The following TRAF3 variants were observed in gnomAD, a reference collection of about 807,000 sequenced individuals.
The protein encoded by TRAF3 is TNF receptor-associated factor 3.
In TRAF3, 13 loss-of-function variants were observed where a neutral mutation model predicts 62.3. That is an observed-to-expected ratio of 0.21 (90% confidence interval 0.14 to 0.33). The LOEUF (loss-of-function observed/expected upper bound fraction) is 0.33, where lower values mean the gene tolerates loss of function less well. Among genes scored for constraint, TRAF3 ranks in the 10% least tolerant of loss-of-function variants. The probability of loss-of-function intolerance (pLI) is 1.00; values close to 1 mark genes in which losing one functional copy is unlikely to be tolerated. For missense variants in TRAF3, 440 were observed against 741.8 expected (o/e 0.59, Z 4.73); for synonymous variants, 269 against 283.4 (o/e 0.95, Z 0.51).
intron 1 of TRAF3, among the ~76,000 whole-genome samples, chr14:102,803,761 C>T (rs539918738): frequency 2.0e-5 from 3 of 152,192 alleles, no homozygotes; most frequent in African/African-American, 2.4e-5. Flanking sequence ...CGGCTCTGCT[C>T]GCTTACAGAA....
At chr14:102,810,517 T>C (rs1899056811) in intron 1 of TRAF3, 1 of 152,228 alleles carries the variant, frequency 6.6e-6, no homozygotes, top group African/African-American at 2.4e-5. Flanking sequence ...CCTGAACTTA[T>C]AAAGTAGTTC....
chr14:102,803,413 A>C (rs1237722575), intron 1 of TRAF3, among the ~76,000 whole-genome samples: 1 of 152,062 alleles, frequency 6.6e-6, no homozygotes. Flanking sequence ...GGTCTTGGGC[A>C]GTTACCTTCC....
At chr14:102,863,593 T>C (rs996722429) in intron 2 of TRAF3, among the ~76,000 whole-genome samples, 1 of 152,198 alleles carries the variant, frequency 6.6e-6, no homozygotes, top group Non-Finnish European at 1.5e-5. Context: ...TTCCTGAACA[T>C]GTACACAGCC....
At chr14:102,845,995 A>C (rs1489544627) in intron 2 of TRAF3, among the ~76,000 whole-genome samples, 1 of 148,780 alleles carries the variant, frequency 6.7e-6, no homozygotes, top group African/African-American at 2.5e-5. Flanking sequence ...AAAAAAAAAA[A>C]AAAAAAAAAA....
At position 102,792,113 on chromosome 14, in the gene TRAF3, C is replaced by CTTTTTT. The variant is rs35895214; in HGVS notation, c.-157+14460_-157+14465dup. On this transcript the variant is annotated intron_variant, in intron 1 of 11. Transcript: ENST00000392745. ...ACAGGTGCGAGCCACTGTGCCTGGACTTTTTTTTTTTTTTTTTTTTTTTTT... is the reference window on the plus strand; with the variant it reads ...ACAGGTGCGAGCCACTGTGCCTGGACTTTTTTTTTTTTTTTTTTTTTTTTTTTTTTT... Among the ~76,000 whole-genome samples, 13 of 97,694 alleles carry CTTTTTT rather than the reference C, an allele frequency of 1.3e-4. 3 individuals are homozygous for CTTTTTT. The highest frequency in any genetic ancestry group is 3.3e-4 in the Admixed American group (3 of 9,064). 64.1% of individuals were successfully genotyped at this position (97,694 alleles called of 152,430 possible).
At chr14:102,902,138 T>C (rs1034206082) in intron 10 of TRAF3, among the ~76,000 whole-genome samples, 3 of 152,254 alleles carry the variant, frequency 2.0e-5, no homozygotes, top group African/African-American at 4.8e-5. Context: ...GAAAGGGCTT[T>C]CTGAATTAGT....
intron 2 of TRAF3, among the ~76,000 whole-genome samples, chr14:102,862,637 G>A (rs540077642): frequency 1.3e-5 from 2 of 152,166 alleles, no homozygotes; most frequent in African/African-American, 4.8e-5. Context: ...TCCTGGTTAT[G>A]CAGATTAATG....
intron 1 of TRAF3, among the ~76,000 whole-genome samples, chr14:102,799,181 T>C (rs560755483): frequency 9.2e-5 from 14 of 152,082 alleles, no homozygotes; most frequent in Admixed American, 4.6e-4. Context: ...GGGGGGAGAT[T>C]AGTGCTGTGG....
intron 1 of TRAF3, among the ~76,000 whole-genome samples, chr14:102,783,485 T>G (rs960890915): frequency 3.9e-5 from 6 of 152,194 alleles, no homozygotes; most frequent in African/African-American, 1.4e-4. Context: ...TTTGAAACCT[T>G]ATTACAGGGT....
At chr14:102,797,850 G>T (rs182614738) in intron 1 of TRAF3, among the ~76,000 whole-genome samples, 1 of 151,386 alleles carries the variant, frequency 6.6e-6, no homozygotes, top group African/African-American at 2.4e-5. Context: ...CGATTCTCCC[G>T]CCTCAGCTTC....
At chr14:102,891,019 A>G (rs1435829588) in intron 8 of TRAF3, among the ~76,000 whole-genome samples, 2 of 152,220 alleles carry the variant, frequency 1.3e-5, no homozygotes, top group African/African-American at 2.4e-5. Context: ...TCTTGATATT[A>G]CAAGTGTCAA....
rs534409839 is a variant in TRAF3 at position 102,876,788 on chromosome 14, C to G, written c.570+263C>G. ...GCCTTCCGCTCAGCTCACAGATAAT[C>G]CGTTCCACAAGCCTTCCGCTCAATT... is the stretch of plus-strand genomic sequence containing the variant. On this transcript the variant is annotated intron_variant, in intron 6 of 11. Transcript: ENST00000392745. 15 of 481,382 alleles carry G rather than the reference C, an allele frequency of 3.1e-5. 1 individual carries two copies. The highest frequency in any genetic ancestry group is 5.3e-5 in the Non-Finnish European group (14 of 263,056). 29.8% of individuals were successfully genotyped at this position (481,382 alleles called of 1,614,324 possible).
chr14:102,834,268 G>T (rs1885837918), intron 2 of TRAF3, among the ~76,000 whole-genome samples: 1 of 152,078 alleles, frequency 6.6e-6, no homozygotes, highest in Non-Finnish European at 1.5e-5. Flanking sequence ...TGGAACAAAA[G>T]AGAGAGCCCA....
At chr14:102,850,425 G>C (rs1286734464) in intron 2 of TRAF3, among the ~76,000 whole-genome samples, 3 of 152,130 alleles carry the variant, frequency 2.0e-5, no homozygotes, top group Non-Finnish European at 4.4e-5. Flanking sequence ...GGCCGAGCGT[G>C]CTGGCTCACA....
intron 1 of TRAF3, among the ~76,000 whole-genome samples, chr14:102,805,758 T>C (rs1033821527): frequency 2.0e-5 from 3 of 152,354 alleles, no homozygotes; most frequent in Admixed American, 6.5e-5. Flanking sequence ...CTTCCGAAGA[T>C]TGTCCAATTT....
intron 1 of TRAF3, among the ~76,000 whole-genome samples, chr14:102,782,562 C>G (rs977060353): frequency 3.3e-5 from 5 of 152,186 alleles, no homozygotes; most frequent in Non-Finnish European, 7.3e-5. Flanking sequence ...AAAGTCCTTT[C>G]CCCAACCTAC....
At chr14:102,784,303 A>G (rs920902223) in intron 1 of TRAF3, among the ~76,000 whole-genome samples, 2 of 142,720 alleles carry the variant, frequency 1.4e-5, no homozygotes, top group Non-Finnish European at 3.0e-5. Context: ...ACTCACTGCA[A>G]CCTCCGCCCC....
intron 1 of TRAF3, among the ~76,000 whole-genome samples, chr14:102,820,767 TTA>T (rs1236320874): frequency 1.3e-5 from 2 of 149,490 alleles, no homozygotes; most frequent in Non-Finnish European, 3.0e-5. Flanking sequence ...GTAGCTGGGG[TTA>T]TAGGCACCCA....
At chr14:102,858,218 C>T (rs920850530) in intron 2 of TRAF3, among the ~76,000 whole-genome samples, 1 of 151,284 alleles carries the variant, frequency 6.6e-6, no homozygotes, top group Non-Finnish European at 1.5e-5. Flanking sequence ...ATGGCGTGAT[C>T]TTGGCTCACT....
Sources: allele counts gnomAD v4.1 joint callset (sites outside exome capture counted in the v4.1 genomes callset), GRCh38; gene constraint gnomAD v4.1.1; transcripts MANE v1.5; gene names NCBI Gene and HGNC (gene_info 2026-07-23, HGNC 2026-07-21).